ZNF19: variants seen among roughly 807,000 people sequenced by gnomAD.
The protein encoded by ZNF19 is zinc finger protein 19, also known as zinc finger protein 19 (KOX 12).
ZNF19 carries 11 observed loss-of-function variants against 13.1 expected under a neutral mutation model. The observed-to-expected ratio is 0.84, with a 90% CI of 0.53 to 1.39. ZNF19 has a LOEUF of 1.39. Ranked by LOEUF, ZNF19 falls within the 40% of genes most tolerant of loss-of-function variation. ZNF19 has a pLI of 0.00. For missense variants in ZNF19, 560 were observed against 547.0 expected (o/e 1.02, Z -0.24); for synonymous variants, 186 against 187.0 (o/e 0.99, Z 0.04).
intron 1 of ZNF19, among the ~76,000 whole-genome samples, chr16:71,488,692 G>A (rs556924095): frequency 2.0e-5 from 3 of 151,976 alleles, no homozygotes; most frequent in African/African-American, 4.8e-5. Flanking sequence ...CCAGCTACTC[G>A]GGAGGCTGAG....
intron 1 of ZNF19, among the ~76,000 whole-genome samples, chr16:71,488,787 G>C (rs367695383): frequency 1.3e-5 from 2 of 152,230 alleles, no homozygotes; most frequent in East Asian, 1.9e-4. Flanking sequence ...TGACAAGAGC[G>C]AGACTTCGTC....
At chr16:71,485,248 G>A (rs1353384425) in intron 1 of ZNF19, among the ~76,000 whole-genome samples, 4 of 151,930 alleles carry the variant, frequency 2.6e-5, no homozygotes, top group South Asian at 2.1e-4. Flanking sequence ...TCAGGAGTTC[G>A]AGACCAGCCT....
intron 4 of ZNF19, 73 bp downstream of exon 4, chr16:71,478,806 C>A (rs771430854): frequency 1.8e-5 from 28 of 1,566,490 alleles, no homozygotes; most frequent in Non-Finnish European, 2.4e-5. Flanking sequence ...CCACACTCCT[C>A]CCCCCAGGCT....
intron 4 of ZNF19, chr16:71,478,565 A>C (rs1037258268): frequency 1.4e-6 from 1 of 691,212 alleles, no homozygotes. Context: ...ATGAGCAAAC[A>C]CAGGGAAGGG....
In ZNF19 at chr16:71,482,094, T is replaced by A. The variant is rs1176294520; in HGVS notation, c.21A>T (p.Lys7Asn). 6.2e-7 allele frequency: 1 copy of A among 1,614,042 alleles called. No individual in the cohort carries two copies. Among genetic ancestry groups the A allele is most frequent in the African/African-American group, 1.3e-5 (1 of 74,922 alleles). ...ATCCACAGCTCACCTGGTATTGAGC[T>A]TTCAGAGGCATGGCTGCCATGACCT... The part of the protein sequence containing the change: MAAMPL[K>N]AQYQEMVTFE... The change falls in exon 3 of 6, where the codon AAA becomes AAT. Residue 7 changes from lysine (K) to asparagine (N), a missense_variant. Lys to Asn is a moderately conservative substitution (Grantham distance 94, BLOSUM62 0). Transcript: ENST00000288177.
chr16:71,478,541 G>T (rs1005786992), intron 4 of ZNF19, 200 bp from the exon 5 acceptor site: 1 of 697,072 alleles, frequency 1.4e-6, no homozygotes, highest in Admixed American at 2.0e-5. Flanking sequence ...GTAAGTCAGT[G>T]AGATCCACAA....
chr16:71,474,513 T>C lies in ZNF19; in HGVS notation c.*657A>G, dbSNP rs1245627597. On this transcript the variant is annotated 3_prime_UTR_variant, in exon 6 of 6. Coordinates refer to ENST00000288177, the MANE Select transcript of ZNF19 (RefSeq NM_006961.4). ...TCAAGTTGTTAGAACTTCTATCTAC[T>C]AGTGGTGTCTGATATAACCTGGGCT... 2.6e-5 allele frequency: 4 copies of C among 152,314 alleles called. No homozygotes were observed. Among genetic ancestry groups the C allele is most frequent in the Non-Finnish European group, 4.4e-5 (3 of 68,100 alleles). 9.4% of individuals were successfully genotyped at this position (152,314 alleles called of 1,614,324 possible).
chr16:71,478,657 G>T (rs1252731035), intron 4 of ZNF19: 1 of 657,702 alleles, frequency 1.5e-6, no homozygotes, highest in Non-Finnish European at 2.7e-6. Context: ...ACTCTTACCA[G>T]GGGACAGTAA....
At position 71,474,162 on chromosome 16, in the gene ZNF19, C is replaced by T. The variant is rs2043584658; in HGVS notation, c.*1008G>A. The T allele has an allele frequency of 1.3e-5, 2 of 152,236 alleles. No individual in the cohort carries two copies. 9.4% of individuals were successfully genotyped at this position (152,236 alleles called of 1,614,324 possible). On this transcript the variant is annotated 3_prime_UTR_variant, in exon 6 of 6. Transcript: ENST00000288177. ...TCATCACCAAAGAAAAGGGCCAGCCCTGTTTTCCTACTGAGAGATCTCTGC... is the reference window on the plus strand; with the variant it reads ...TCATCACCAAAGAAAAGGGCCAGCCTTGTTTTCCTACTGAGAGATCTCTGC...
Position 71,475,400 on chromosome 16 carries a change from A to C in ZNF19, c.1147T>G (p.Ser383Ala). 2 of 1,613,554 alleles carry C rather than the reference A, an allele frequency of 1.2e-6. No homozygotes were observed. Among genetic ancestry groups the C allele is most frequent in the Non-Finnish European group, 1.7e-6 (2 of 1,179,872 alleles). ...CCACACTCATCACATACATAGGAAGACTCCTGAGTATGAATTCTCAGATGC... is the reference window on the plus strand; with the variant it reads ...CCACACTCATCACATACATAGGAAGCCTCCTGAGTATGAATTCTCAGATGC... ...KRHLRIHTQE[S>A]SYVCDECGKA... Residue 383 changes from serine to alanine, a missense_variant, in exon 6 of 6, where the codon TCT becomes GCT. Transcript: ENST00000288177.
chr16:71,486,858 G>C (rs762110943), intron 1 of ZNF19, among the ~76,000 whole-genome samples: 2 of 151,982 alleles, frequency 1.3e-5, no homozygotes, highest in Admixed American at 1.3e-4. Context: ...TAATTTTATC[G>C]GTTTTTAGAA....
At position 71,478,922 on chromosome 16, in the gene ZNF19, G is replaced by A. The variant is rs80056197; in HGVS notation, c.117C>T (p.Tyr39=). The change falls in exon 4 of 6, where the codon TAC becomes TAT. Residue 39 remains tyrosine (Y), a synonymous_variant. Transcript: ENST00000288177. ...CAAAATTCTCCAACATCACACTTCT[G>A]TACAGGGCCCTCTGGGCAGGAGAAA... ...TGLSPAQRAL[Y]RSVMLENFGN... 1,165 of 1,614,196 alleles carry A rather than the reference G, an allele frequency of 7.2e-4. 6 individuals are homozygous for A. The African/African-American group carries it at 0.013, about 18-fold the overall frequency.
chr16:71,475,600 A>G lies in ZNF19; in HGVS notation c.947T>C (p.Leu316Pro), dbSNP rs137874422. Residue 316 changes from leucine (L) to proline (P), a missense_variant, in exon 6 of 6, where the codon CTA becomes CCA. Transcript: ENST00000288177. Reference protein sequence around the residue: ...CGKSFGRTSHLSQHQRIHTGE... With the variant: ...CGKSFGRTSHPSQHQRIHTGE... ...TGTGTGAATACGCTGATGTTGGCTT[A>G]GATGGGAAGTCCTTCCAAAGCTTTT... 229 of 1,614,186 alleles carry G rather than the reference A, an allele frequency of 1.4e-4. No homozygotes were observed. The highest frequency in any genetic ancestry group is 1.9e-4 in the Non-Finnish European group (219 of 1,180,030).
intron 1 of ZNF19, among the ~76,000 whole-genome samples, chr16:71,485,571 A>G (rs1172819542): frequency 1.3e-5 from 2 of 151,462 alleles, no homozygotes; most frequent in Admixed American, 6.6e-5. Flanking sequence ...TTTTTTAATG[A>G]CTGAATACAA....
At chr16:71,481,550 T>C (rs1009294656) in intron 3 of ZNF19, among the ~76,000 whole-genome samples, 3 of 152,194 alleles carry the variant, frequency 2.0e-5, no homozygotes, top group Admixed American at 6.5e-5. Context: ...GTTGGGAGTG[T>C]AGACTTTTCC....
At chr16:71,480,778 G>A (rs1190319506) in intron 3 of ZNF19, among the ~76,000 whole-genome samples, 8 of 152,126 alleles carry the variant, frequency 5.3e-5, no homozygotes, top group Admixed American at 3.3e-4. Context: ...CACCAGTAGC[G>A]GATGCAACAC....
chr16:71,482,081 C>A lies in ZNF19; in HGVS notation c.33+1G>T. On this transcript the variant is annotated splice_donor_variant, in intron 3 of 5. Transcript: ENST00000288177. LOFTEE classifies it high-confidence loss of function. ...GCTGACCTCAGGGATCCACAGCTCA[C>A]CTGGTATTGAGCTTTCAGAGGCATG... is the stretch of plus-strand genomic sequence containing the variant. The A allele has an allele frequency of 1.2e-6, 2 of 1,614,114 alleles. No individual in the cohort carries two copies. Among genetic ancestry groups the A allele is most frequent in the Non-Finnish European group, 1.7e-6 (2 of 1,179,954 alleles).
intron 1 of ZNF19, among the ~76,000 whole-genome samples, chr16:71,485,476 A>T (rs1431621682): frequency 1.3e-5 from 2 of 151,522 alleles, no homozygotes; most frequent in Non-Finnish European, 2.9e-5. Flanking sequence ...CAAAAAAACA[A>T]AAAAAAACAA....
chr16:71,485,548 G>A (rs1316502728), intron 1 of ZNF19, among the ~76,000 whole-genome samples: 1 of 149,208 alleles, frequency 6.7e-6, no homozygotes, highest in African/African-American at 2.6e-5. Flanking sequence ...AAGTGAAAAC[G>A]GTGGACATTT....
Sources: allele counts gnomAD v4.1 joint callset (sites outside exome capture counted in the v4.1 genomes callset), GRCh38; gene constraint gnomAD v4.1.1; transcripts MANE v1.5; gene names NCBI Gene and HGNC (gene_info 2026-07-23, HGNC 2026-07-21).